MRPL33: variants seen among roughly 807,000 people sequenced by gnomAD.
The protein encoded by MRPL33 is mitochondrial ribosomal protein L33.
In MRPL33, 5 loss-of-function variants were observed where a neutral mutation model predicts 10.1. The observed-to-expected ratio is 0.49, with a 90% CI of 0.26 to 1.04. MRPL33 has a LOEUF of 1.04. Ranked by LOEUF, MRPL33 falls within the 50% of genes least tolerant of loss-of-function variation. The pLI is 0.14. For synonymous variants in MRPL33, 24 were observed against 27.7 expected (o/e 0.87, Z 0.42); for missense variants, 79 against 78.1 (o/e 1.01, Z -0.04).
intron 3 of MRPL33, among the ~76,000 whole-genome samples, chr2:27,776,491 T>A (rs949386228): frequency 6.6e-6 from 1 of 152,376 alleles, no homozygotes; most frequent in South Asian, 2.1e-4. Context: ...AAATTCCCAA[T>A]TATTTGAGCA....
chr2:27,772,591 G>T, intron 1 of MRPL33, 83 bp from the exon 2 acceptor site: 1 of 1,116,476 alleles, frequency 9.0e-7, no homozygotes, highest in Non-Finnish European at 1.3e-6. Flanking sequence ...GGTTATTACT[G>T]ATATTTATAT....
chr2:27,777,371 CTTT>C (rs11337446), intron 3 of MRPL33, among the ~76,000 whole-genome samples: 53 of 125,558 alleles, frequency 4.2e-4, no homozygotes, highest in Non-Finnish European at 3.7e-4. Flanking sequence ...TAATCTAAAA[CTTT>C]TTTTTTTTTT....
intron 3 of MRPL33, among the ~76,000 whole-genome samples, chr2:27,777,920 C>T (rs994034352): frequency 1.3e-5 from 2 of 152,026 alleles, no homozygotes; most frequent in Non-Finnish European, 2.9e-5. Flanking sequence ...TATTTCTTGT[C>T]GTAATATAGA....
chr2:27,772,746 A>G (rs988932786), intron 2 of MRPL33, 54 bp downstream of exon 2: 25 of 1,406,608 alleles, frequency 1.8e-5, no homozygotes, highest in African/African-American at 9.9e-5. Flanking sequence ...TGGATTTGTT[A>G]GTCTAGCTGC....
At chr2:27,775,015 T>C (rs1308384041) in intron 3 of MRPL33, among the ~76,000 whole-genome samples, 1 of 152,208 alleles carries the variant, frequency 6.6e-6, no homozygotes, top group Non-Finnish European at 1.5e-5. Context: ...CAGTGGCTAG[T>C]ATTTGGTTCC....
At position 27,774,536 on chromosome 2, in the gene MRPL33, A is replaced by C. The variant is rs541490178; in HGVS notation, c.148+6A>C. The C allele has an allele frequency of 6.2e-7, 1 of 1,611,972 alleles. No individual in the cohort carries two copies. The highest frequency in any genetic ancestry group is 8.5e-7 in the Non-Finnish European group (1 of 1,178,062). ...TTTGCATTATGATCCAGTTGGTAAG[A>C]TCTGGGGAGGTTAATGCTTCCAAGG... On this transcript the variant is annotated splice_donor_region_variant and intron_variant, in intron 3 of 3. Transcript: ENST00000296102.
At chr2:27,773,614 A>G (rs982593766) in intron 2 of MRPL33, among the ~76,000 whole-genome samples, 1 of 152,234 alleles carries the variant, frequency 6.6e-6, no homozygotes, top group Non-Finnish European at 1.5e-5. Context: ...ATAGACTTGT[A>G]GAGCTTTGTA....
At chr2:27,778,280 A>C (rs375196608) in intron 3 of MRPL33, among the ~76,000 whole-genome samples, 3 of 152,224 alleles carry the variant, frequency 2.0e-5, no homozygotes, top group African/African-American at 7.2e-5. Flanking sequence ...CAGAGTATCC[A>C]TATTGACTGT....
chr2:27,779,626 A>C lies in MRPL33; in HGVS notation c.*144A>C. The C allele has an allele frequency of 6.6e-7, 1 of 1,511,788 alleles. No homozygotes were observed. Among genetic ancestry groups the C allele is most frequent in the South Asian group, 1.3e-5 (1 of 78,346 alleles). The allele number at this position is 1,511,788 out of a possible 1,614,324, so 93.6% of individuals were successfully genotyped here. ...GTGATTTGAAGGCCATTGTGAAGGAAAACAATGCAGTGAAAGAAAGTTCTT... is the reference window on the plus strand; with the variant it reads ...GTGATTTGAAGGCCATTGTGAAGGACAACAATGCAGTGAAAGAAAGTTCTT... On this transcript the variant is annotated 3_prime_UTR_variant, in exon 4 of 4. Transcript: ENST00000296102.
intron 1 of MRPL33, 66 bp downstream of exon 1, chr2:27,771,865 C>A: frequency 2.0e-6 from 3 of 1,513,246 alleles, no homozygotes; most frequent in Non-Finnish European, 2.7e-6. Context: ...CAGGCAGGGC[C>A]CCGGAATGAT....
Position 27,779,688 on chromosome 2 carries a change from A to C in MRPL33, c.*206A>C. 3.2e-6 allele frequency: 3 copies of C among 945,572 alleles called. No individual in the cohort carries two copies. Among genetic ancestry groups the C allele is most frequent in the South Asian group, 2.3e-5 (1 of 43,022 alleles). The allele number at this position is 945,572 out of a possible 1,614,324, so 58.6% of individuals were successfully genotyped here. On this transcript the variant is annotated 3_prime_UTR_variant, in exon 4 of 4. Coordinates refer to ENST00000296102, the MANE Select transcript of MRPL33 (RefSeq NM_004891.4). ...AGATATCATTGCATCACATTTATTT[A>C]TCTTTCTGGGTATTTTTATAGCCCT...
chr2:27,774,337 C>T (rs1227288582), intron 2 of MRPL33, 87 bp from the exon 3 acceptor site: 2 of 1,042,652 alleles, frequency 1.9e-6, no homozygotes, highest in Non-Finnish European at 3.0e-6. Context: ...TATTACCCTA[C>T]AGAGTTCTCA....
chr2:27,772,473 T>C (rs1677067414), intron 1 of MRPL33: 2 of 530,156 alleles, frequency 3.8e-6, no homozygotes, highest in East Asian at 3.2e-5. Flanking sequence ...GTTGGTCTGA[T>C]TGGATCTTTT....
At chr2:27,775,781 T>A (rs1394703199) in intron 3 of MRPL33, among the ~76,000 whole-genome samples, 1 of 152,190 alleles carries the variant, frequency 6.6e-6, no homozygotes, top group Admixed American at 6.5e-5. Flanking sequence ...CCTTGCTGTT[T>A]TTATGGTGTT....
chr2:27,772,769 C>T, intron 2 of MRPL33, 77 bp downstream of exon 2: 2 of 1,179,974 alleles, frequency 1.7e-6, no homozygotes, highest in East Asian at 2.5e-5. Context: ...CCAGTACATC[C>T]TTATATGAAA....
Position 27,776,393 on chromosome 2 carries a change from A to G in MRPL33, c.148+1863A>G, listed in dbSNP as rs538378117. Among the ~76,000 whole-genome samples, 99 of 152,382 alleles carry G rather than the reference A, an allele frequency of 6.5e-4. 1 individual carries two copies. Among genetic ancestry groups the G allele is most frequent in the African/African-American group, 2.4e-3 (98 of 41,594 alleles). On this transcript the variant is annotated intron_variant, in intron 3 of 3. Coordinates refer to ENST00000296102, the MANE Select transcript of MRPL33 (RefSeq NM_004891.4). ...CAAATAGCTTGGCAGTTCTCCCAGC[A>G]TGTTTTACTGTGATGAGTAAATTGT...
intron 3 of MRPL33, among the ~76,000 whole-genome samples, chr2:27,778,595 C>T (rs1403101997): frequency 6.6e-6 from 1 of 151,598 alleles, no homozygotes; most frequent in Non-Finnish European, 1.5e-5. Flanking sequence ...ACTCTTGTTG[C>T]CCAGGCTGGA....
intron 2 of MRPL33, chr2:27,772,934 C>A: frequency 2.1e-6 from 1 of 477,724 alleles, no homozygotes; most frequent in Non-Finnish European, 3.7e-6. Flanking sequence ...TGCTGCTTTT[C>A]TAGTCCCAGG....
At position 27,771,748 on chromosome 2, in the gene MRPL33, G is replaced by A; in HGVS notation, c.-30G>A. The stretch of plus-strand genomic sequence containing the variant: ...GTTGTTGGTTGGGGGCCTTTTGGCC[G>A]GTGACGGAGACTGCCCAGGTGTGGT... On this transcript the variant is annotated 5_prime_UTR_variant, in exon 1 of 4. Coordinates refer to ENST00000296102, the MANE Select transcript of MRPL33 (RefSeq NM_004891.4). 3 of 1,613,968 alleles carry A rather than the reference G, an allele frequency of 1.9e-6. No individual in the cohort carries two copies. The highest frequency in any genetic ancestry group is 2.5e-6 in the Non-Finnish European group (3 of 1,179,896).
Sources: allele counts gnomAD v4.1 joint callset (sites outside exome capture counted in the v4.1 genomes callset), GRCh38; gene constraint gnomAD v4.1.1; transcripts MANE v1.5; gene names NCBI Gene and HGNC (gene_info 2026-07-23, HGNC 2026-07-21).